PIK3AP1: variants seen among roughly 807,000 people sequenced by gnomAD.
PIK3AP1 encodes phosphoinositide 3-kinase adapter protein 1.
A neutral mutation model predicts 88.1 loss-of-function variants in PIK3AP1; 21 were observed. The ratio of observed to expected loss-of-function variants is 0.24; its 90% CI spans 0.17 to 0.34. The LOEUF (loss-of-function observed/expected upper bound fraction) is 0.34, where lower values mean the gene tolerates loss of function less well. PIK3AP1 is among the 10% of genes least tolerant of loss of function. The pLI is 1.00. For synonymous variants in PIK3AP1, 398 were observed against 400.0 expected (o/e 1.00, Z 0.06); for missense variants, 828 against 1,035.7 (o/e 0.80, Z 2.75).
intron 8 of PIK3AP1, among the ~76,000 whole-genome samples, chr10:96,628,904 A>ATG (rs1843196517): frequency 6.9e-5 from 1 of 14,538 alleles, no homozygotes; most frequent in African/African-American, 1.5e-4. Context: ...ATATATATAT[A>ATG]TATGTGTATA....
intron 14 of PIK3AP1, 68 bp downstream of exon 14, chr10:96,609,629 TTAAGAGGATGTTTCC>T: frequency 6.7e-7 from 1 of 1,489,092 alleles, no homozygotes; most frequent in Non-Finnish European, 9.1e-7. Flanking sequence ...TCCTGGGCTC[TTAAGAGGATGTTTCC>T]TAAGGTCCAA....
intron 2 of PIK3AP1, among the ~76,000 whole-genome samples, chr10:96,709,145 A>C (rs1177048227): frequency 2.6e-5 from 4 of 151,574 alleles, no homozygotes; most frequent in Admixed American, 6.6e-5. Flanking sequence ...AAAAAAAAAA[A>C]AAAAACCCTT....
chr10:96,598,104 C>T (rs1000906445), intron 16 of PIK3AP1, among the ~76,000 whole-genome samples: 6 of 145,056 alleles, frequency 4.1e-5, no homozygotes, highest in Non-Finnish European at 6.0e-5. Context: ...AATGCAATGG[C>T]GCAATCACAG....
rs373081849 is a variant in PIK3AP1 at position 96,663,627 on chromosome 10, CAAAAAA to C, written c.431-6699_431-6694del. 6.9e-3 allele frequency among the ~76,000 whole-genome samples: 298 copies of C among 42,958 alleles called. 2 individuals carry two copies. Among genetic ancestry groups the C allele is most frequent in the Non-Finnish European group, 9.8e-3 (227 of 23,114 alleles). 28.2% of individuals were successfully genotyped at this position (42,958 alleles called of 152,430 possible). ...CCTGGGCAACAGAGTGAGACTCCGT[CAAAAAA>C]AAAAAAAAAAAAAAAAAAAAAGAAA... On this transcript the variant is annotated intron_variant, in intron 2 of 16. Transcript: ENST00000339364.
At chr10:96,669,279 T>C (rs1843808986) in intron 2 of PIK3AP1, among the ~76,000 whole-genome samples, 1 of 152,320 alleles carries the variant, frequency 6.6e-6, no homozygotes, top group Middle Eastern at 3.4e-3. Flanking sequence ...GCCACAGTGA[T>C]GAAACCACGA....
chr10:96,610,610 A>G (rs1478608403), intron 13 of PIK3AP1, among the ~76,000 whole-genome samples: 1 of 152,176 alleles, frequency 6.6e-6, no homozygotes, highest in Non-Finnish European at 1.5e-5. Context: ...GAGGTCCTTC[A>G]GGCCTATGAA....
chr10:96,605,033 T>C (rs1437497824), intron 14 of PIK3AP1, among the ~76,000 whole-genome samples: 2 of 152,204 alleles, frequency 1.3e-5, no homozygotes, highest in East Asian at 3.9e-4. Flanking sequence ...CTAATTTTTG[T>C]ATTTTTAGTA....
Position 96,629,930 on chromosome 10 carries a change from A to AAAGAAGAAGAAGAAGAAGAAG in PIK3AP1, c.1376-1458_1376-1438dup, listed in dbSNP as rs61662185. Among the ~76,000 whole-genome samples the AAAGAAGAAGAAGAAGAAGAAG allele has an allele frequency of 2.1e-3, 29 of 13,716 alleles. 2 individuals carry two copies. The highest frequency in any genetic ancestry group is 5.2e-3 in the African/African-American group (28 of 5,406). The allele number at this position is 13,716 out of a possible 152,430, so 9.0% of individuals were successfully genotyped here. On this transcript the variant is annotated intron_variant, in intron 8 of 16. Coordinates refer to ENST00000339364, the MANE Select transcript of PIK3AP1 (RefSeq NM_152309.3). ...CAACCAAAAAAAAAAAAAAAAAAAA[A>AAAGAAGAAGAAGAAGAAGAAG]AAGAAGAAGAAGAAGAAGAAGAAGA...
intron 8 of PIK3AP1, among the ~76,000 whole-genome samples, chr10:96,635,569 C>G (rs1387698151): frequency 6.6e-6 from 1 of 152,132 alleles, no homozygotes; most frequent in African/African-American, 2.4e-5. Context: ...TCTTTCTGTC[C>G]TTTTCAACAC....
chr10:96,700,435 C>T (rs1367289630), intron 2 of PIK3AP1, among the ~76,000 whole-genome samples: 1 of 152,170 alleles, frequency 6.6e-6, no homozygotes, highest in Non-Finnish European at 1.5e-5. Context: ...CCCCTGATTC[C>T]GCAAGGCAGT....
At chr10:96,642,341 G>A (rs1238241092) in intron 8 of PIK3AP1, among the ~76,000 whole-genome samples, 1 of 151,494 alleles carries the variant, frequency 6.6e-6, no homozygotes, top group Non-Finnish European at 1.5e-5. Flanking sequence ...TAGGAGGATG[G>A]CTTGAGCTGG....
At position 96,602,308 on chromosome 10, in the gene PIK3AP1, TG is replaced by T; in HGVS notation, c.2331del (p.Arg778GlyfsTer33). On this transcript the variant is annotated frameshift_variant, in exon 16 of 17. Coordinates refer to ENST00000339364, the MANE Select transcript of PIK3AP1 (RefSeq NM_152309.3). LOFTEE classifies it high-confidence loss of function. Reference sequence around the variant, plus strand: ...TGTGAGGCAGCTCTCGGAGGCACCCTGGGGGGTCTCTCGAGGGACATGGTGG... The same window carrying T: ...TGTGAGGCAGCTCTCGGAGGCACCCTGGGGGTCTCTCGAGGGACATGGTGG... ...GTPTMSLERP[P>X]RVPPRAASQR... The T allele has an allele frequency of 6.2e-7, 1 of 1,607,464 alleles. No homozygotes were observed. Among genetic ancestry groups the T allele is most frequent in the East Asian group, 2.2e-5 (1 of 44,774 alleles).
At chr10:96,679,800 G>A (rs575026825) in intron 2 of PIK3AP1, among the ~76,000 whole-genome samples, 172 of 152,250 alleles carry the variant, frequency 1.1e-3, no homozygotes, top group Non-Finnish European at 1.9e-3. Context: ...GTGGCAAGAC[G>A]GCTGTGGTAG....
chr10:96,629,927 AAAAAAG>A (rs1843219182), intron 8 of PIK3AP1, among the ~76,000 whole-genome samples: 1 of 14,630 alleles, frequency 6.8e-5, no homozygotes, highest in African/African-American at 1.7e-4. Flanking sequence ...AAAAAAAAAA[AAAAAAG>A]AAGAAGAAGA....
At chr10:96,654,312 A>C (rs895589735) in intron 3 of PIK3AP1, among the ~76,000 whole-genome samples, 3 of 152,108 alleles carry the variant, frequency 2.0e-5, no homozygotes, top group Non-Finnish European at 4.4e-5. Flanking sequence ...CTCTCCAAAA[A>C]ACATGGGGAA....
rs1848728550 is a variant in PIK3AP1 at position 96,594,799 on chromosome 10, T to C, written c.*778A>G. 6.6e-6 allele frequency: 1 copy of C among 152,226 alleles called. No homozygotes were observed. Among genetic ancestry groups the C allele is most frequent in the Non-Finnish European group, 1.5e-5 (1 of 68,042 alleles). The allele number at this position is 152,226 out of a possible 1,614,324, so 9.4% of individuals were successfully genotyped here. On this transcript the variant is annotated 3_prime_UTR_variant, in exon 17 of 17. Coordinates refer to ENST00000339364, the MANE Select transcript of PIK3AP1 (RefSeq NM_152309.3). The surrounding 1 kb of genome is among the most constrained non-coding windows in gnomAD (Gnocchi z 4.6). ...AAAACAAACAAACTTGGTAGTCTCATGCCTGGGAGATACGGAAGATGGAAA... is the reference window on the plus strand; with the variant it reads ...AAAACAAACAAACTTGGTAGTCTCACGCCTGGGAGATACGGAAGATGGAAA...
At chr10:96,705,168 G>A (rs1244110671) in intron 2 of PIK3AP1, among the ~76,000 whole-genome samples, 2 of 152,122 alleles carry the variant, frequency 1.3e-5, no homozygotes, top group African/African-American at 4.8e-5. Context: ...TTTACTGCTG[G>A]GGTCTGAGTA....
chr10:96,715,219 C>T (rs574434135), intron 1 of PIK3AP1, among the ~76,000 whole-genome samples: 1 of 152,188 alleles, frequency 6.6e-6, no homozygotes, highest in Admixed American at 6.5e-5. Flanking sequence ...ATACAAATCC[C>T]GACTGAGGGC....
chr10:96,645,677 G>A lies in PIK3AP1; in HGVS notation c.1186-15C>T, dbSNP rs2134228489. The A allele has an allele frequency of 1.7e-5, 26 of 1,574,570 alleles. No homozygotes were observed. The highest frequency in any genetic ancestry group is 2.2e-5 in the Non-Finnish European group (26 of 1,160,596). ...TCCACCGTTTCCTGAAAGAGAAGATGAGGCCCACGGCGCCCTGAGGCAGCC... is the reference window on the plus strand; with the variant it reads ...TCCACCGTTTCCTGAAAGAGAAGATAAGGCCCACGGCGCCCTGAGGCAGCC... On this transcript the variant is annotated splice_polypyrimidine_tract_variant and intron_variant, in intron 7 of 16. Coordinates refer to ENST00000339364, the MANE Select transcript of PIK3AP1 (RefSeq NM_152309.3).
Sources: allele counts gnomAD v4.1 joint callset (sites outside exome capture counted in the v4.1 genomes callset), GRCh38; gene constraint gnomAD v4.1.1; non-coding constraint Gnocchi (gnomAD v3.1); transcripts MANE v1.5; gene names NCBI Gene and HGNC (gene_info 2026-07-23, HGNC 2026-07-21).